Variants in PM20D2 observed in about 807,000 individuals in gnomAD.
PM20D2 encodes the protein peptidase M20 domain containing 2.
Under a neutral mutation model 42.9 loss-of-function variants are expected in PM20D2, and 33 were observed. The ratio of observed to expected loss-of-function variants is 0.77; its 90% CI spans 0.58 to 1.03. PM20D2 has a LOEUF of 1.03. Ranked by LOEUF, PM20D2 falls within the 50% of genes least tolerant of loss-of-function variation. The probability of loss-of-function intolerance (pLI) is 0.00; values close to 1 mark genes in which losing one functional copy is unlikely to be tolerated. For missense variants in PM20D2, 548 were observed against 557.0 expected (o/e 0.98, Z 0.16); for synonymous variants, 250 against 228.2 (o/e 1.10, Z -0.86).
In PM20D2 at chr6:89,164,823, T is replaced by C. The variant is rs1349295238; in HGVS notation, c.*2560T>C. 1 of 151,706 alleles carries C rather than the reference T, an allele frequency of 6.6e-6. No individual in the cohort carries two copies. Among genetic ancestry groups the C allele is most frequent in the Non-Finnish European group, 1.5e-5 (1 of 67,884 alleles). The allele number at this position is 151,706 out of a possible 1,614,324, so 9.4% of individuals were successfully genotyped here. On this transcript the variant is annotated 3_prime_UTR_variant, in exon 7 of 7. Transcript: ENST00000275072. Reference sequence around the variant, plus strand: ...CATAAATTGTTTGTGAAAAGTGTGCTCAACTTTTTTACAAGAGTGATATTA... The same window carrying C: ...CATAAATTGTTTGTGAAAAGTGTGCCCAACTTTTTTACAAGAGTGATATTA...
intron 4 of PM20D2, among the ~76,000 whole-genome samples, chr6:89,155,902 T>C (rs1045444182): frequency 5.9e-5 from 9 of 151,480 alleles, no homozygotes; most frequent in Non-Finnish European, 1.0e-4. Flanking sequence ...TTTTTTTTTT[T>C]GAGGCGGAGT....
intron 2 of PM20D2, among the ~76,000 whole-genome samples, chr6:89,151,538 A>G (rs760371335): frequency 6.6e-6 from 1 of 152,150 alleles, no homozygotes; most frequent in Admixed American, 6.5e-5. Flanking sequence ...ACAAATTTCT[A>G]ATGAATAAGA....
chr6:89,144,318 T>C (rs1396258692), upstream of PM20D2, among the ~76,000 whole-genome samples: 6 of 152,246 alleles, frequency 3.9e-5, no homozygotes. Flanking sequence ...TGCTGTTTAT[T>C]GATGCCTGAG....
chr6:89,119,990 C>T, the PM20D2 span, among the ~76,000 whole-genome samples: 1 of 152,182 alleles, frequency 6.6e-6, no homozygotes, highest in Non-Finnish European at 1.5e-5. Flanking sequence ...GGGGAGGCCT[C>T]ACAATCATGG....
Position 89,163,314 on chromosome 6 carries a change from T to A in PM20D2, c.*1051T>A, listed in dbSNP as rs1209611552. ...GATATACTTACTACTTTGCTTCAGG[T>A]ACACATAAGAAAACCTCTTTTTTAA... On this transcript the variant is annotated 3_prime_UTR_variant, in exon 7 of 7. Coordinates refer to ENST00000275072, the MANE Select transcript of PM20D2 (RefSeq NM_001010853.3). 6.6e-6 allele frequency: 1 copy of A among 152,182 alleles called. No individual in the cohort carries two copies. The highest frequency in any genetic ancestry group is 1.5e-5 in the Non-Finnish European group (1 of 68,026). 9.4% of individuals were successfully genotyped at this position (152,182 alleles called of 1,614,324 possible).
chr6:89,161,713 G>C (rs1419814695), intron 5 of PM20D2, 70 bp from the exon 6 acceptor site: 3 of 1,211,040 alleles, frequency 2.5e-6, no homozygotes. Flanking sequence ...CAGGGACTGT[G>C]ACTTCATAAC....
chr6:89,164,192 G>GT lies in PM20D2; in HGVS notation c.*1932dup, dbSNP rs1771334420. On this transcript the variant is annotated 3_prime_UTR_variant, in exon 7 of 7. Coordinates refer to ENST00000275072, the MANE Select transcript of PM20D2 (RefSeq NM_001010853.3). ...ATTAGGATAAACTAGAATATTTTAT[G>GT]TTTATGAATACTTGTATAAACTTAA... is the stretch of plus-strand genomic sequence containing the variant. 6.6e-6 allele frequency: 1 copy of GT among 152,116 alleles called. No individual in the cohort carries two copies. Among genetic ancestry groups the GT allele is most frequent in the Non-Finnish European group, 1.5e-5 (1 of 68,000 alleles). The allele number at this position is 152,116 out of a possible 1,614,324, so 9.4% of individuals were successfully genotyped here.
chr6:89,161,872 C>T lies in PM20D2; in HGVS notation c.1138C>T (p.Gln380Ter). ...IGSNALNHTEQYTEAAGSQEA... is the reference protein window; with the variant it reads ...IGSNALNHTE ...ATCTAATGCCTTGAATCATACTGAACAGTACACTGAAGCTGCTGGTAAGTG... is the reference window on the plus strand; with the variant it reads ...ATCTAATGCCTTGAATCATACTGAATAGTACACTGAAGCTGCTGGTAAGTG... The change falls in exon 6 of 7, where the codon CAG becomes TAG. Residue 380 changes from glutamine to a stop codon, truncating the protein, a stop_gained. Transcript: ENST00000275072. LOFTEE classifies it high-confidence loss of function. 1.2e-6 allele frequency: 2 copies of T among 1,611,556 alleles called. No homozygotes were observed. The highest frequency in any genetic ancestry group is 1.7e-6 in the Non-Finnish European group (2 of 1,177,678).
At chr6:89,115,741 A>T in the PM20D2 span, among the ~76,000 whole-genome samples, 2 of 147,756 alleles carry the variant, frequency 1.4e-5, no homozygotes, top group Admixed American at 1.4e-4. Context: ...GGTTCACACC[A>T]TTATCCTGCC....
At chr6:89,111,962 C>CT in the PM20D2 span, among the ~76,000 whole-genome samples, 1 of 152,164 alleles carries the variant, frequency 6.6e-6, no homozygotes, top group Admixed American at 6.5e-5. Flanking sequence ...ATTATTTTTC[C>CT]TAAGCTACAT....
At chr6:89,158,586 A>G (rs1771131335) in intron 5 of PM20D2, 126 bp downstream of exon 5, 2 of 1,048,740 alleles carry the variant, frequency 1.9e-6, no homozygotes, top group Admixed American at 2.7e-5. Flanking sequence ...TATTTTCACA[A>G]ACTTTATGGT....
the PM20D2 span, among the ~76,000 whole-genome samples, chr6:89,106,207 G>C: frequency 6.6e-6 from 1 of 152,088 alleles, no homozygotes; most frequent in African/African-American, 2.4e-5. Flanking sequence ...TGTAAGCCCA[G>C]GTTCAAGAGA....
chr6:89,155,461 G>A (rs918615582), intron 4 of PM20D2, among the ~76,000 whole-genome samples: 2 of 149,286 alleles, frequency 1.3e-5, no homozygotes, highest in African/African-American at 4.9e-5. Flanking sequence ...CTAATTTTTT[G>A]TATGTTTTTC....
chr6:89,144,179 A>C (rs1341357756), upstream of PM20D2, among the ~76,000 whole-genome samples: 1 of 51,516 alleles, frequency 1.9e-5, no homozygotes, highest in African/African-American at 8.1e-5. Context: ...ACCCACCCAC[A>C]TATATACACA....
the PM20D2 span, among the ~76,000 whole-genome samples, chr6:89,120,820 CTA>C: frequency 1.3e-5 from 2 of 152,174 alleles, no homozygotes; most frequent in Non-Finnish European, 2.9e-5. Context: ...CTGCAGTGAA[CTA>C]TGTTTGTGCC....
chr6:89,110,413 T>C, the PM20D2 span, among the ~76,000 whole-genome samples: 5 of 152,166 alleles, frequency 3.3e-5, no homozygotes, highest in African/African-American at 9.7e-5. Context: ...TTACACCCTA[T>C]GTAAATGAAG....
At chr6:89,138,579 C>T in the PM20D2 span, among the ~76,000 whole-genome samples, 1 of 152,134 alleles carries the variant, frequency 6.6e-6, no homozygotes, top group Non-Finnish European at 1.5e-5. Context: ...TTAAATATCT[C>T]TATCAGTCCT....
intron 3 of PM20D2, 127 bp from the exon 4 acceptor site, chr6:89,154,621 T>C (rs1770968941): frequency 5.0e-6 from 3 of 601,716 alleles, no homozygotes; most frequent in Non-Finnish European, 8.3e-6. Context: ...GATTGGTGTA[T>C]TGGTGGAGCT....
chr6:89,137,831 G>A, the PM20D2 span, among the ~76,000 whole-genome samples: 1 of 151,108 alleles, frequency 6.6e-6, no homozygotes, highest in Admixed American at 6.6e-5. Context: ...GTTTCCTTTG[G>A]TAGTTTCTCT....
Sources: allele counts gnomAD v4.1 joint callset (sites outside exome capture counted in the v4.1 genomes callset), GRCh38; gene constraint gnomAD v4.1.1; transcripts MANE v1.5; gene names NCBI Gene and HGNC (gene_info 2026-07-23, HGNC 2026-07-21).